The following KAT6B variants were observed in gnomAD, a reference collection of about 807,000 sequenced individuals.
KAT6B encodes histone acetyltransferase KAT6B.
Under a neutral mutation model 187.5 loss-of-function variants are expected in KAT6B, and 10 were observed. The ratio of observed to expected loss-of-function variants is 0.05; its 90% CI spans 0.03 to 0.09. KAT6B has a LOEUF of 0.09. Ranked by LOEUF, KAT6B falls within the 10% of genes least tolerant of loss-of-function variation. The pLI, the probability that KAT6B is intolerant of heterozygous loss-of-function variation, is 1.00. For missense variants in KAT6B, 1,952 were observed against 2,558.9 expected, an observed-to-expected ratio of 0.76 and a Z score of 5.12; for synonymous variants, 861 against 926.8, an observed-to-expected ratio of 0.93 and a Z score of 1.29.
chr10:75,018,516 T>TGAAAGCATGAACAGCTGCG (rs1845156447), intron 13 of KAT6B, among the ~76,000 whole-genome samples: 1 of 152,246 alleles, frequency 6.6e-6, no homozygotes, highest in African/African-American at 2.4e-5. Flanking sequence ...CTTCGGGGTG[T>TGAAAGCATGAACAGCTGCG]GAAAGCATGA....
intron 3 of KAT6B, among the ~76,000 whole-genome samples, chr10:74,953,124 C>T (rs1369669994): frequency 2.0e-5 from 3 of 151,786 alleles, no homozygotes; most frequent in Non-Finnish European, 4.4e-5. Context: ...TAAATAGTTG[C>T]AGGCCTTTTG....
chr10:74,860,967 G>A (rs557777043), intron 3 of KAT6B, among the ~76,000 whole-genome samples: 2 of 152,136 alleles, frequency 1.3e-5, no homozygotes, highest in East Asian at 1.9e-4. Flanking sequence ...GAGAAACCCC[G>A]TCTCTACTAA....
At chr10:74,936,130 C>T (rs775013238) in intron 3 of KAT6B, among the ~76,000 whole-genome samples, 58 of 152,130 alleles carry the variant, frequency 3.8e-4, no homozygotes, top group Non-Finnish European at 7.2e-4. Flanking sequence ...GGGCCGGGTG[C>T]GGTGGCTCTT....
intron 3 of KAT6B, among the ~76,000 whole-genome samples, chr10:74,852,792 T>G (rs1053064376): frequency 6.6e-6 from 1 of 152,216 alleles, no homozygotes; most frequent in Non-Finnish European, 1.5e-5. Flanking sequence ...TAGATAGATT[T>G]GATAGTTGTG....
rs374506959 is a variant in KAT6B at position 74,969,791 on chromosome 10, G to T, written c.846+16G>T. ...CAGAAATGCTGTAAGTATGGCTCCCGTAATCCGCCTCCAGGTAACTCGCTA... is the reference window on the plus strand; with the variant it reads ...CAGAAATGCTGTAAGTATGGCTCCCTTAATCCGCCTCCAGGTAACTCGCTA... On this transcript the variant is annotated intron_variant, in intron 5 of 17. Transcript: ENST00000287239. 6.5e-7 allele frequency: 1 copy of T among 1,530,372 alleles called. No individual in the cohort carries two copies. Among genetic ancestry groups the T allele is most frequent in the South Asian group, 1.1e-5 (1 of 89,248 alleles). The allele number at this position is 1,530,372 out of a possible 1,614,324, so 94.8% of individuals were successfully genotyped here.
At chr10:74,930,120 A>G (rs1224822200) in intron 3 of KAT6B, among the ~76,000 whole-genome samples, 1 of 151,956 alleles carries the variant, frequency 6.6e-6, no homozygotes, top group Admixed American at 6.6e-5. Flanking sequence ...ATGGGGTTTC[A>G]CCATGTTGGT....
rs1846298962 is a variant in KAT6B, at chr10:75,031,206, A to G, written c.*160A>G. 1 of 822,516 alleles carries G rather than the reference A, an allele frequency of 1.2e-6. No individual in the cohort carries two copies. The highest frequency in any genetic ancestry group is 1.7e-5 in the African/African-American group (1 of 57,754). 51.0% of individuals were successfully genotyped at this position (822,516 alleles called of 1,614,324 possible). On this transcript the variant is annotated 3_prime_UTR_variant, in exon 18 of 18. Coordinates refer to ENST00000287239, the MANE Select transcript of KAT6B (RefSeq NM_012330.4). ...AAAAAAAAAAGCTGTATGCAGCAGA[A>G]AGCCTTATACAAGTTGTTTTTCTTT...
chr10:74,935,373 A>G (rs1849189420), intron 3 of KAT6B, among the ~76,000 whole-genome samples: 1 of 148,098 alleles, frequency 6.8e-6, no homozygotes, highest in East Asian at 2.0e-4. Context: ...AATGAAAACA[A>G]TATATCTTTT....
chr10:75,028,649 C>G lies in KAT6B; in HGVS notation c.3825C>G (p.Thr1275=). The G allele has an allele frequency of 1.9e-6, 3 of 1,614,022 alleles. No individual in the cohort carries two copies. The highest frequency in any genetic ancestry group is 2.5e-6 in the Non-Finnish European group (3 of 1,180,026). Residue 1275 remains threonine (T), a synonymous_variant, in exon 18 of 18, where the codon ACC becomes ACG. Transcript: ENST00000287239. ...CCGGATTTAAACTGAATTTGTACAC[C>G]CCGCCAGAAACACCCATGGAGCCTG... is the stretch of plus-strand genomic sequence containing the variant. ...RKTGFKLNLY[T]PPETPMEPDE... is the part of the protein sequence containing the mutation.
Position 74,864,673 on chromosome 10 carries a change from C to A in KAT6B, c.621+21195C>A, listed in dbSNP as rs183158039. 9.8e-4 allele frequency among the ~76,000 whole-genome samples: 150 copies of A among 152,288 alleles called. 1 individual carries two copies. The South Asian group carries it at 0.012, about 12-fold the overall frequency. On this transcript the variant is annotated intron_variant, in intron 3 of 17. Coordinates refer to ENST00000287239, the MANE Select transcript of KAT6B (RefSeq NM_012330.4). ...TCTTCCCCCTCAGCCTCCTGAGTAGCTGGGATTATAGGCATGGGCACCACC... is the reference window on the plus strand; with the variant it reads ...TCTTCCCCCTCAGCCTCCTGAGTAGATGGGATTATAGGCATGGGCACCACC...
intron 3 of KAT6B, among the ~76,000 whole-genome samples, chr10:74,862,286 AG>A (rs1843237303): frequency 6.6e-6 from 1 of 152,176 alleles, no homozygotes; most frequent in Non-Finnish European, 1.5e-5. Context: ...AGGTTCAAGG[AG>A]CCCTTTTTTC....
intron 13 of KAT6B, among the ~76,000 whole-genome samples, chr10:74,994,191 A>G (rs1020621826): frequency 2.0e-5 from 3 of 152,064 alleles, no homozygotes; most frequent in Non-Finnish European, 4.4e-5. Context: ...CTTCTTCCCC[A>G]TTTATTTAAT....
At position 75,030,140 on chromosome 10, in the gene KAT6B, T is replaced by C; in HGVS notation, c.5316T>C (p.Ala1772=). The change falls in exon 18 of 18, where the codon GCT becomes GCC. Residue 1772 remains alanine (A), a synonymous_variant. Transcript: ENST00000287239. The surrounding 1 kb of genome is among the most constrained non-coding windows in gnomAD (Gnocchi z 4.8). The part of the protein sequence containing the change: ...SSQQLAQCSM[A]ANFTPPMQLA... ...AGCAGCTGGCTCAGTGCAGCATGGCTGCTAACTTCACCCCACCCATGCAGC... is the reference window on the plus strand; with the variant it reads ...AGCAGCTGGCTCAGTGCAGCATGGCCGCTAACTTCACCCCACCCATGCAGC... 3 of 1,614,242 alleles carry C rather than the reference T, an allele frequency of 1.9e-6. No homozygotes were observed. Among genetic ancestry groups the C allele is most frequent in the Non-Finnish European group, 2.5e-6 (3 of 1,180,044 alleles).
At chr10:74,944,596 T>C (rs1849964338) in intron 3 of KAT6B, among the ~76,000 whole-genome samples, 1 of 151,652 alleles carries the variant, frequency 6.6e-6, no homozygotes, top group Admixed American at 6.6e-5. Context: ...GATCACGAGG[T>C]CAAGAGATCG....
At chr10:74,937,874 A>G (rs1281580274) in intron 3 of KAT6B, among the ~76,000 whole-genome samples, 1 of 152,232 alleles carries the variant, frequency 6.6e-6, no homozygotes, top group East Asian at 1.9e-4. Flanking sequence ...ACCAGCAACC[A>G]CTACAATTAC....
chr10:75,031,531 T>C lies in KAT6B; in HGVS notation c.*485T>C, dbSNP rs1399163613. ...TGTCTTTGTTAGTGACAGTGCATTTTGTAGTACTGTACAAGTGTTGTGCTA... is the reference window on the plus strand; with the variant it reads ...TGTCTTTGTTAGTGACAGTGCATTTCGTAGTACTGTACAAGTGTTGTGCTA... On this transcript the variant is annotated 3_prime_UTR_variant, in exon 18 of 18. Transcript: ENST00000287239. 1 of 274,722 alleles carries C rather than the reference T, an allele frequency of 3.6e-6. No homozygotes were observed. 17.0% of individuals were successfully genotyped at this position (274,722 alleles called of 1,614,324 possible). A position where few individuals can be genotyped will look rare whatever the true frequency, so the allele number is the denominator to read the frequency against.
At chr10:74,884,849 G>A (rs1022540136) in intron 3 of KAT6B, among the ~76,000 whole-genome samples, 1 of 151,868 alleles carries the variant, frequency 6.6e-6, no homozygotes. Flanking sequence ...GATTACAGGC[G>A]TGAGCTACAG....
intron 3 of KAT6B, among the ~76,000 whole-genome samples, chr10:74,926,107 C>G (rs1027501483): frequency 1.3e-5 from 2 of 152,202 alleles, no homozygotes; most frequent in African/African-American, 4.8e-5. Flanking sequence ...AAATTAAACA[C>G]TTGATATTTT....
chr10:74,889,312 T>C (rs1277338451), intron 3 of KAT6B, among the ~76,000 whole-genome samples: 1 of 152,248 alleles, frequency 6.6e-6, no homozygotes, highest in Non-Finnish European at 1.5e-5. Flanking sequence ...TGGATGTCTC[T>C]GATGTCTGAT....
Sources: gnomAD v4.1 joint callset for allele counts (sites outside exome capture counted in the v4.1 genomes callset) on GRCh38, gnomAD v4.1.1 for gene constraint, Gnocchi (gnomAD v3.1) non-coding constraint, MANE v1.5 for transcripts, NCBI Gene and HGNC (gene_info 2026-07-23, HGNC 2026-07-21) for gene names.